The following TM9SF3 variants were observed in gnomAD, a reference collection of about 807,000 sequenced individuals.
TM9SF3 encodes the protein transmembrane 9 superfamily member 3, also known as SM-11044-binding protein.
TM9SF3 carries 14 observed loss-of-function variants against 78.6 expected under a neutral mutation model. The observed-to-expected ratio is 0.18, with a 90% CI of 0.12 to 0.28. The LOEUF (loss-of-function observed/expected upper bound fraction) is 0.28. Among genes scored for constraint, TM9SF3 ranks in the 10% least tolerant of loss-of-function variants. The pLI is 1.00. For synonymous variants in TM9SF3, 231 were observed against 241.7 expected (o/e 0.96, Z 0.41); for missense variants, 496 against 721.9 (o/e 0.69, Z 3.59).
intron 2 of TM9SF3, 73 bp from the exon 3 acceptor site, chr10:96,565,499 A>G: frequency 2.0e-6 from 3 of 1,463,414 alleles, no homozygotes; most frequent in South Asian, 1.4e-5. Context: ...AAAAGACAAG[A>G]AAAAAGCCAA....
At chr10:96,525,430 C>T (rs1449521331) in intron 14 of TM9SF3, among the ~76,000 whole-genome samples, 1 of 151,910 alleles carries the variant, frequency 6.6e-6, no homozygotes. Flanking sequence ...CACTACTTTA[C>T]GGACAATCTC....
At position 96,553,068 on chromosome 10, in the gene TM9SF3, A is replaced by T. The variant is rs760193585; in HGVS notation, c.661-9T>A. 2 of 1,586,302 alleles carry T rather than the reference A, an allele frequency of 1.3e-6. No individual in the cohort carries two copies. Among genetic ancestry groups the T allele is most frequent in the Non-Finnish European group, 8.5e-7 (1 of 1,171,726 alleles). The stretch of plus-strand genomic sequence containing the variant: ...ATTGAAAACCAATGAATCTAAAATA[A>T]CAGAAAATAAAATGTTACCAACCTG... On this transcript the variant is annotated splice_polypyrimidine_tract_variant and intron_variant, in intron 5 of 14. Transcript: ENST00000371142.
At chr10:96,580,269 T>C (rs1589465604) in intron 1 of TM9SF3, among the ~76,000 whole-genome samples, 2 of 151,960 alleles carry the variant, frequency 1.3e-5, no homozygotes, top group East Asian at 3.9e-4. Context: ...CATCTTTGTG[T>C]GTGTGTGTGT....
intron 3 of TM9SF3, among the ~76,000 whole-genome samples, chr10:96,564,128 C>CA (rs11379304): frequency 0.26 from 33,367 of 129,080 alleles, 4,563 homozygotes; most frequent in African/African-American, 0.39. Context: ...ACAAACACAC[C>CA]AAAAAAAAAA....
chr10:96,580,587 T>C (rs1298546453), intron 1 of TM9SF3, among the ~76,000 whole-genome samples: 1 of 152,104 alleles, frequency 6.6e-6, no homozygotes, highest in Non-Finnish European at 1.5e-5. Flanking sequence ...TCTTTCGTCA[T>C]TCCACCAAAT....
At chr10:96,562,584 G>T (rs996600186) in intron 3 of TM9SF3, among the ~76,000 whole-genome samples, 1 of 152,076 alleles carries the variant, frequency 6.6e-6, no homozygotes, top group East Asian at 1.9e-4. Context: ...AATAACCTAT[G>T]ATCTACCCAT....
Position 96,544,323 on chromosome 10 carries a change from TA to T in TM9SF3, c.1055-118del. ...CATCTTAATAATTTCTTCAAAATAA[TA>T]GCTAACAAATACCAAAGATTTCCAA... On this transcript the variant is annotated intron_variant, in intron 8 of 14. Transcript: ENST00000371142. The T allele has an allele frequency of 5.1e-6, 5 of 971,620 alleles. No individual in the cohort carries two copies. In the South Asian group the frequency reaches 8.4e-5, roughly 16 times the overall value. The allele number at this position is 971,620 out of a possible 1,614,324, so 60.2% of individuals were successfully genotyped here.
intron 14 of TM9SF3, among the ~76,000 whole-genome samples, chr10:96,525,049 G>A (rs1249768285): frequency 6.6e-6 from 1 of 151,974 alleles, no homozygotes; most frequent in East Asian, 1.9e-4. Flanking sequence ...ATGTCAAGAT[G>A]TTACCTCTCT....
At chr10:96,572,807 C>T (rs1450605159) in intron 2 of TM9SF3, among the ~76,000 whole-genome samples, 1 of 151,990 alleles carries the variant, frequency 6.6e-6, no homozygotes, top group African/African-American at 2.4e-5. Flanking sequence ...TGAGCCACCG[C>T]GCCTGGCCCA....
At position 96,533,102 on chromosome 10, in the gene TM9SF3, T is replaced by G; in HGVS notation, c.1274A>C (p.Asn425Thr). 1 of 1,614,116 alleles carries G rather than the reference T, an allele frequency of 6.2e-7. No homozygotes were observed. Among genetic ancestry groups the G allele is most frequent in the Non-Finnish European group, 8.5e-7 (1 of 1,180,008 alleles). ...ILGRNLSGQP[N>T]FPCRVNAVPR... ...CACAGCATTGACACGACAAGGAAAG[T>G]TGGGCTGACCTGACAGATTTCGGCC... Residue 425 changes from asparagine to threonine, a missense_variant, in exon 10 of 15, where the codon AAC becomes ACC. Asn to Thr is a moderately conservative substitution (Grantham distance 65, BLOSUM62 0). Transcript: ENST00000371142.
At chr10:96,578,214 G>A (rs527726020) in intron 1 of TM9SF3, among the ~76,000 whole-genome samples, 10 of 152,236 alleles carry the variant, frequency 6.6e-5, no homozygotes, top group African/African-American at 2.4e-4. Flanking sequence ...CAACAGCCAG[G>A]TCATTAAGGA....
chr10:96,536,272 G>T (rs1420644013), intron 9 of TM9SF3, among the ~76,000 whole-genome samples: 1 of 152,068 alleles, frequency 6.6e-6, no homozygotes, highest in Non-Finnish European at 1.5e-5. Flanking sequence ...GTCTGCTCTT[G>T]ACACTTCTAT....
chr10:96,561,254 A>T (rs77652047), intron 4 of TM9SF3, among the ~76,000 whole-genome samples: 1 of 27,522 alleles, frequency 3.6e-5, no homozygotes, highest in African/African-American at 6.8e-5. Flanking sequence ...AATGAATAAT[A>T]AAAAAAAATC....
rs573721065 is a variant in TM9SF3, at chr10:96,552,954, T to C, written c.766A>G (p.Ser256Gly). The C allele has an allele frequency of 3.1e-6, 5 of 1,590,650 alleles. No individual in the cohort carries two copies. Among genetic ancestry groups the C allele is most frequent in the East Asian group, 4.6e-5 (2 of 43,928 alleles). The change falls in exon 6 of 15, where the codon AGT (serine) becomes GGT (glycine). Residue 256 changes from serine to glycine, a missense_variant. Transcript: ENST00000371142. ...ATATCATCCATTTCTTCCTCTTTAC[T>C]GTACCGAGCATAATCTTTTCTTAAT... ...RTLRKDYARY[S>G]KEEEMDDMDR...
intron 14 of TM9SF3, among the ~76,000 whole-genome samples, chr10:96,522,867 T>C (rs2134126705): frequency 6.6e-6 from 1 of 151,872 alleles, no homozygotes; most frequent in African/African-American, 2.4e-5. Flanking sequence ...AGCTGTGTAG[T>C]TGGTAGTAGG....
rs370972488 is a variant in TM9SF3, at chr10:96,522,338, G to A, written c.1703-8C>T. 4 of 1,557,950 alleles carry A rather than the reference G, an allele frequency of 2.6e-6. No individual in the cohort carries two copies. The highest frequency in any genetic ancestry group is 3.4e-6 in the Non-Finnish European group (4 of 1,161,420). ...CCATGTAACCAATCGCTCCTGCAAA[G>A]ATAAAATAAGATGTTTTGAAACAAA... On this transcript the variant is annotated splice_region_variant and splice_polypyrimidine_tract_variant and intron_variant, in intron 14 of 14. Coordinates refer to ENST00000371142, the MANE Select transcript of TM9SF3 (RefSeq NM_020123.4).
intron 3 of TM9SF3, among the ~76,000 whole-genome samples, chr10:96,564,732 T>C (rs12413053): frequency 0.14 from 21,852 of 152,236 alleles, 1,923 homozygotes; most frequent in Admixed American, 0.27. Flanking sequence ...CCATGACAGC[T>C]GGCTGTGCTT....
chr10:96,547,826 C>CAA, intron 8 of TM9SF3, 69 bp downstream of exon 8: 1 of 1,375,712 alleles, frequency 7.3e-7, no homozygotes, highest in Non-Finnish European at 1.0e-6. Flanking sequence ...TCAAAACAAA[C>CAA]AAAAAAAATC....
Position 96,527,456 on chromosome 10 carries a change from A to G in TM9SF3, c.1582T>C (p.Tyr528His). Residue 528 changes from tyrosine to histidine, a missense_variant, in exon 13 of 15, where the codon TAT becomes CAT. Transcript: ENST00000371142. Reference protein sequence around the residue: ...SFLSAASTAIYVYMYSFYYYF... With the variant: ...SFLSAASTAIHVYMYSFYYYF... ...TAGTAAAAGGAATACATGTAAACAT[A>G]GATTGCAGTTGATGCAGCAGAGAGA... The G allele has an allele frequency of 6.2e-7, 1 of 1,611,492 alleles. No individual in the cohort carries two copies. The highest frequency in any genetic ancestry group is 8.5e-7 in the Non-Finnish European group (1 of 1,178,590).
Sources: allele counts gnomAD v4.1 joint callset (sites outside exome capture counted in the v4.1 genomes callset), GRCh38; gene constraint gnomAD v4.1.1; transcripts MANE v1.5; gene names NCBI Gene and HGNC (gene_info 2026-07-23, HGNC 2026-07-21).